The following SGCB variants were observed in gnomAD, a reference collection of about 807,000 sequenced individuals.
The protein encoded by SGCB is sarcoglycan beta.
A neutral mutation model predicts 27.3 loss-of-function variants in SGCB; 25 were observed. The observed-to-expected ratio is 0.92, with a 90% CI of 0.67 to 1.28. The LOEUF is 1.28. Among genes scored for constraint, SGCB ranks in the 50% most tolerant of loss-of-function variants. The pLI is 0.00. For synonymous variants in SGCB, 147 were observed against 133.5 expected, an observed-to-expected ratio of 1.10 and a Z score of -0.70; for missense variants, 436 against 402.1, an observed-to-expected ratio of 1.08 and a Z score of -0.72.
rs780596734 is a variant in SGCB, at chr4:52,028,101, T to C, written c.622-2A>G. On this transcript the variant is annotated splice_acceptor_variant, in intron 4 of 5. Coordinates refer to ENST00000381431, the MANE Select transcript of SGCB (RefSeq NM_000232.5). LOFTEE classifies it high-confidence loss of function. ...ATCACTGGTAGCATTGCTGGTAATC[T>C]GAAAATTTAAAAAACAAGTACTAAA... 5.6e-6 allele frequency: 9 copies of C among 1,609,854 alleles called. No homozygotes were observed. Among genetic ancestry groups the C allele is most frequent in the Admixed American group, 1.7e-5 (1 of 59,960 alleles).
In SGCB at chr4:52,025,988, T is replaced by C. The variant is rs1737079884; in HGVS notation, c.754-1828A>G. ...TATCAGATATCAAAATGGATAATGT[T>C]AAGCAGGCAGCTAGATATGTAACTC... is the stretch of plus-strand genomic sequence containing the variant. On this transcript the variant is annotated intron_variant, in intron 5 of 5. Coordinates refer to ENST00000381431, the MANE Select transcript of SGCB (RefSeq NM_000232.5). Among the ~76,000 whole-genome samples the C allele has an allele frequency of 2.0e-5, 3 of 152,170 alleles. No homozygotes were observed. In the South Asian group the frequency reaches 6.2e-4, roughly 32 times the overall value.
chr4:52,038,293 C>T lies in SGCB; in HGVS notation c.-34G>A, dbSNP rs1452070743. On this transcript the variant is annotated 5_prime_UTR_variant, in exon 1 of 6. Transcript: ENST00000381431. Reference sequence around the variant, plus strand: ...GCCCGCCGCCGCCGAGCTCCCCGCCCGACTGTGCCCGCCCCTCCGCGACCG... The same window carrying T: ...GCCCGCCGCCGCCGAGCTCCCCGCCTGACTGTGCCCGCCCCTCCGCGACCG... 5.5e-6 allele frequency: 7 copies of T among 1,280,538 alleles called. No individual in the cohort carries two copies. The highest frequency in any genetic ancestry group is 3.0e-4 in the Middle Eastern group (1 of 3,318). 79.3% of individuals were successfully genotyped at this position (1,280,538 alleles called of 1,614,324 possible).
intron 1 of SGCB, 133 bp downstream of exon 1, chr4:52,038,094 C>CCCAAGG: frequency 2.2e-6 from 1 of 446,342 alleles, no homozygotes; most frequent in Non-Finnish European, 3.0e-6. Context: ...CGCCCCGCCC[C>CCCAAGG]GATCGGCCCC....
At chr4:52,025,792 G>A (rs1052750841) in intron 5 of SGCB, among the ~76,000 whole-genome samples, 21 of 152,196 alleles carry the variant, frequency 1.4e-4, no homozygotes, top group African/African-American at 5.1e-4. Context: ...ACATCAGGGT[G>A]GTGATGGCCG....
intron 4 of SGCB, 76 bp downstream of exon 4, chr4:52,028,654 G>C: frequency 1.7e-6 from 2 of 1,165,680 alleles, no homozygotes; most frequent in South Asian, 1.3e-5. Context: ...AACAACAACA[G>C]TATAACTCTC....
chr4:52,027,008 C>T (rs1193609809), intron 5 of SGCB, among the ~76,000 whole-genome samples: 1 of 152,132 alleles, frequency 6.6e-6, no homozygotes, highest in Admixed American at 6.5e-5. Context: ...TTATGTCCAT[C>T]TTTATTATTT....
At position 52,031,406 on chromosome 4, in the gene SGCB, A is replaced by G. The variant is rs592706; in HGVS notation, c.244-1543T>C. On this transcript the variant is annotated intron_variant, in intron 2 of 5. Coordinates refer to ENST00000381431, the MANE Select transcript of SGCB (RefSeq NM_000232.5). ...CCCATTCATCTCTGTGTGTGTGTGT[A>G]TGTGTGTGTGTGTGTGTGTGTGTGT... Among the ~76,000 whole-genome samples the G allele has an allele frequency of 1.7e-3, 246 of 142,816 alleles. 2 individuals carry two copies. Among genetic ancestry groups the G allele is most frequent in the African/African-American group, 4.5e-3 (163 of 36,270 alleles). The allele number at this position is 142,816 out of a possible 152,430, so 93.7% of individuals were successfully genotyped here.
rs528164859 is a variant in SGCB at position 52,031,600 on chromosome 4, T to C, written c.244-1737A>G. ...TTCTTGTTTCATTGATGCAGTATAT[T>C]CTTATTTCTCTGAAAATACTGAATT... On this transcript the variant is annotated intron_variant, in intron 2 of 5. Transcript: ENST00000381431. 4.6e-5 allele frequency among the ~76,000 whole-genome samples: 7 copies of C among 152,252 alleles called. No homozygotes were observed. In the East Asian group the frequency reaches 1.2e-3, roughly 25 times the overall value.
chr4:52,024,818 A>C (rs1425170232), intron 5 of SGCB, among the ~76,000 whole-genome samples: 1 of 124,470 alleles, frequency 8.0e-6, no homozygotes, highest in African/African-American at 3.0e-5. Flanking sequence ...ACTGAGCGAG[A>C]CACTGTCTCA....
intron 1 of SGCB, among the ~76,000 whole-genome samples, chr4:52,035,472 G>C (rs1737361296): frequency 6.6e-6 from 1 of 152,184 alleles, no homozygotes; most frequent in Non-Finnish European, 1.5e-5. Context: ...GGCAAGGCAG[G>C]GAAGAGGAAG....
intron 2 of SGCB, 36 bp downstream of exon 2, chr4:52,033,395 A>C (rs1223771410): frequency 7.2e-7 from 1 of 1,382,704 alleles, no homozygotes. Flanking sequence ...AAAATTCCCC[A>C]TGGCAATTAA....
intron 1 of SGCB, among the ~76,000 whole-genome samples, chr4:52,038,022 C>T (rs1277106336): frequency 6.6e-6 from 1 of 152,016 alleles, no homozygotes; most frequent in African/African-American, 2.4e-5. Context: ...CCCGAGGCCG[C>T]CCCTGGCTCC....
chr4:52,033,748 C>T, intron 1 of SGCB, 108 bp from the exon 2 acceptor site: 2 of 825,816 alleles, frequency 2.4e-6, no homozygotes, highest in Non-Finnish European at 4.2e-6. Context: ...GTTACTGACA[C>T]ATTTTCCATG....
chr4:52,026,637 GAACT>G (rs1467130688), intron 5 of SGCB, among the ~76,000 whole-genome samples: 3 of 152,180 alleles, frequency 2.0e-5, no homozygotes, highest in South Asian at 4.2e-4. Context: ...ATACACTTTA[GAACT>G]AACCACTGAT....
chr4:52,026,295 G>A (rs1222511818), intron 5 of SGCB, among the ~76,000 whole-genome samples: 1 of 94,088 alleles, frequency 1.1e-5, no homozygotes, highest in Non-Finnish European at 1.9e-5. Context: ...GTTTTGCTCT[G>A]TCTCCCAGGC....
At chr4:52,031,548 G>A (rs1047336606) in intron 2 of SGCB, among the ~76,000 whole-genome samples, 1 of 150,616 alleles carries the variant, frequency 6.6e-6, no homozygotes, top group African/African-American at 2.4e-5. Context: ...CACTGTGCCT[G>A]GCTTGTGCCT....
intron 1 of SGCB, among the ~76,000 whole-genome samples, chr4:52,036,546 C>A (rs182143961): frequency 9.9e-5 from 15 of 152,214 alleles, no homozygotes; most frequent in Non-Finnish European, 1.3e-4. Context: ...AACTGAAGAG[C>A]CTAGAAGTGA....
intron 3 of SGCB, 86 bp downstream of exon 3, chr4:52,029,592 C>A: frequency 1.2e-6 from 1 of 814,232 alleles, no homozygotes; most frequent in Non-Finnish European, 2.2e-6. Context: ...ATATCTCTTT[C>A]CAATAATCAA....
At chr4:52,029,613 G>T in intron 3 of SGCB, 65 bp downstream of exon 3, 2 of 1,054,830 alleles carry the variant, frequency 1.9e-6, no homozygotes, top group Non-Finnish European at 3.0e-6. Flanking sequence ...CTAGGTTTTT[G>T]CAAAGTATTT....
Sources: gnomAD v4.1 joint callset for allele counts (sites outside exome capture counted in the v4.1 genomes callset) on GRCh38, gnomAD v4.1.1 for gene constraint, MANE v1.5 for transcripts, NCBI Gene and HGNC (gene_info 2026-07-23, HGNC 2026-07-21) for gene names.